The following BPIFA2 variants were observed in gnomAD, a reference collection of about 807,000 sequenced individuals.
The protein encoded by BPIFA2 is BPI fold-containing family A member 2.
Under a neutral mutation model 25.7 loss-of-function variants are expected in BPIFA2, and 20 were observed. The ratio of observed to expected loss-of-function variants is 0.78; its 90% CI spans 0.55 to 1.13. The LOEUF is 1.13. BPIFA2 is among the 50% of genes most tolerant of loss of function. The pLI, the probability that BPIFA2 is intolerant of heterozygous loss-of-function variation, is 0.00. For synonymous variants in BPIFA2, 126 were observed against 124.3 expected (o/e 1.01, Z -0.09); for missense variants, 300 against 298.1 (o/e 1.01, Z -0.05).
At chr20:33,177,849 C>T (rs1039435688) in intron 5 of BPIFA2, among the ~76,000 whole-genome samples, 1 of 152,164 alleles carries the variant, frequency 6.6e-6, no homozygotes, top group African/African-American at 2.4e-5. Flanking sequence ...ATTCGGTATC[C>T]TCAGGGCCCA....
At chr20:33,164,707 T>G (rs994034692), upstream of BPIFA2, among the ~76,000 whole-genome samples, 1 of 151,824 alleles carries the variant, frequency 6.6e-6, no homozygotes, top group African/African-American at 2.4e-5. Flanking sequence ...TTTCCTTTCT[T>G]TCCTGCCACA....
At chr20:33,175,642 G>C (rs530941242) in intron 5 of BPIFA2, 83 bp downstream of exon 5, 18 of 1,446,460 alleles carry the variant, frequency 1.2e-5, no homozygotes, top group Middle Eastern at 1.9e-4. Context: ...CTACCTAAGA[G>C]GAGGCCTAGT....
chr20:33,172,166 T>C (rs1983916715), intron 2 of BPIFA2, among the ~76,000 whole-genome samples: 1 of 151,936 alleles, frequency 6.6e-6, no homozygotes, highest in Non-Finnish European at 1.5e-5. Flanking sequence ...CATGTTCTCA[T>C]TCATGAATGG....
chr20:33,178,201 C>A lies in BPIFA2; in HGVS notation c.618C>A (p.Ser206Arg). Residue 206 changes from serine to arginine, a missense_variant, in exon 6 of 9, where the codon AGC (serine) becomes AGA (arginine). By Grantham distance (110) the Ser-to-Arg change is moderately radical. Coordinates refer to ENST00000354932, the MANE Select transcript of BPIFA2 (RefSeq NM_080574.4). ...FVNSVINTLK[S>R]TVSSLLQKEI... The stretch of plus-strand genomic sequence containing the variant: ...ATAGCGTGATCAACACGCTGAAAAG[C>A]ACTGTATCCTCCCTGCTGCAGAAGG... 1 of 1,604,392 alleles carries A rather than the reference C, an allele frequency of 6.2e-7. No individual in the cohort carries two copies. Among genetic ancestry groups the A allele is most frequent in the Non-Finnish European group, 8.5e-7 (1 of 1,172,768 alleles).
chr20:33,177,864 G>T (rs1384122083), intron 5 of BPIFA2, among the ~76,000 whole-genome samples: 1 of 152,212 alleles, frequency 6.6e-6, no homozygotes. Flanking sequence ...GGCCCAGCTA[G>T]GTTCCTGGTG....
intron 2 of BPIFA2, among the ~76,000 whole-genome samples, chr20:33,170,695 C>T (rs1414160093): frequency 1.3e-5 from 2 of 152,178 alleles, no homozygotes; most frequent in African/African-American, 2.4e-5. Context: ...CACCCAGTCA[C>T]GACATTTATT....
upstream of BPIFA2, among the ~76,000 whole-genome samples, chr20:33,166,833 C>A (rs980296467): frequency 1.3e-5 from 2 of 152,250 alleles, no homozygotes; most frequent in African/African-American, 2.4e-5. Context: ...TCATGCTCAG[C>A]ACCCTGGGCT....
chr20:33,178,898 T>C (rs1239110499), intron 6 of BPIFA2, among the ~76,000 whole-genome samples: 1 of 152,192 alleles, frequency 6.6e-6, no homozygotes, highest in East Asian at 1.9e-4. Flanking sequence ...AATTGCAATC[T>C]GCGGGGAACT....
At chr20:33,173,264 C>T (rs914943032) in intron 3 of BPIFA2, among the ~76,000 whole-genome samples, 188 bp downstream of exon 3, 1 of 152,128 alleles carries the variant, frequency 6.6e-6, no homozygotes, top group Non-Finnish European at 1.5e-5. Flanking sequence ...AGAGTCAATC[C>T]GGGCATCTTA....
chr20:33,166,302 C>T (rs1983721944), upstream of BPIFA2, among the ~76,000 whole-genome samples: 1 of 152,202 alleles, frequency 6.6e-6, no homozygotes, highest in Non-Finnish European at 1.5e-5. Flanking sequence ...CAGGTGTGAA[C>T]CACCATGCCT....
intron 2 of BPIFA2, among the ~76,000 whole-genome samples, chr20:33,171,970 A>G (rs182104923): frequency 2.6e-4 from 40 of 152,322 alleles, no homozygotes; most frequent in Non-Finnish European, 5.0e-4. Context: ...TTACAATAGC[A>G]AAGACATGGA....
chr20:33,180,524 T>C lies in BPIFA2; in HGVS notation c.714T>C (p.Asn238=). The C allele has an allele frequency of 6.2e-7, 1 of 1,613,160 alleles. No homozygotes were observed. Among genetic ancestry groups the C allele is most frequent in the African/African-American group, 1.3e-5 (1 of 74,992 alleles). ...DVNVIQQVVD[N]PQHKTQLQTL... is the part of the protein sequence containing the mutation. ...CTATTGATTTTGTTTCTTCAGATAA[T>C]CCTCAGCACAAAACCCAGCTGCAAA... Residue 238 remains asparagine (N), a synonymous_variant, in exon 8 of 9, where the codon AAT becomes AAC. Coordinates refer to ENST00000354932, the MANE Select transcript of BPIFA2 (RefSeq NM_080574.4).
At chr20:33,177,506 CA>C (rs1442091137) in intron 5 of BPIFA2, among the ~76,000 whole-genome samples, 1 of 152,208 alleles carries the variant, frequency 6.6e-6, no homozygotes, top group Non-Finnish European at 1.5e-5. Context: ...TCTGTGTCCA[CA>C]TCTGTGAAAT....
intron 3 of BPIFA2, 146 bp from the exon 4 acceptor site, chr20:33,173,933 A>C (rs943658891): frequency 2.4e-5 from 15 of 624,714 alleles, no homozygotes; most frequent in Non-Finnish European, 4.3e-5. Context: ...AATACAGAGA[A>C]TCAAACCTCT....
intron 2 of BPIFA2, among the ~76,000 whole-genome samples, chr20:33,170,211 G>A (rs1432853364): frequency 1.3e-5 from 2 of 152,136 alleles, no homozygotes; most frequent in African/African-American, 2.4e-5. Flanking sequence ...TATTTAAAGT[G>A]TCATTCTCTG....
intron 1 of BPIFA2, among the ~76,000 whole-genome samples, chr20:33,162,615 T>A (rs1983613475): frequency 6.6e-6 from 1 of 152,196 alleles, no homozygotes; most frequent in Admixed American, 6.5e-5. Context: ...AGATCAGCTA[T>A]GTCAGGCAGA....
rs1984040274 is a variant in BPIFA2 at position 33,175,415 on chromosome 20, T to C, written c.419T>C (p.Ile140Thr). 3 of 1,613,808 alleles carry C rather than the reference T, an allele frequency of 1.9e-6. No individual in the cohort carries two copies. The highest frequency in any genetic ancestry group is 2.2e-5 in the South Asian group (2 of 91,034). The change falls in exon 5 of 9, where the codon ATT becomes ACT. Residue 140 changes from isoleucine (I) to threonine (T), a missense_variant. Coordinates refer to ENST00000354932, the MANE Select transcript of BPIFA2 (RefSeq NM_080574.4). ...CATCTTACTTCCTGCAGGCCCATCA[T>C]TGGCCAGATTATCAACCTGAAAGCC... is the stretch of plus-strand genomic sequence containing the variant. The part of the protein sequence containing the change: ...TANVTVAGPI[I>T]GQIINLKASL...
intron 6 of BPIFA2, among the ~76,000 whole-genome samples, chr20:33,178,683 G>C (rs1217570271): frequency 1.3e-5 from 2 of 152,038 alleles, no homozygotes; most frequent in Non-Finnish European, 2.9e-5. Context: ...AGGATTACTA[G>C]GCCCAAAGTT....
In BPIFA2 at chr20:33,172,934, A is replaced by C. The variant is rs1484267154; in HGVS notation, c.160A>C (p.Ile54Leu). The C allele has an allele frequency of 6.2e-7, 1 of 1,611,978 alleles. No homozygotes were observed. Among genetic ancestry groups the C allele is most frequent in the East Asian group, 2.2e-5 (1 of 44,836 alleles). The change falls in exon 3 of 9, where the codon ATC (isoleucine) becomes CTC (leucine). Residue 54 changes from isoleucine to leucine, a missense_variant and splice_region_variant. Physicochemically the swap from Ile to Leu is conservative, Grantham distance 5. Transcript: ENST00000354932. ...LETVDNTLKG[I>L]LEKLKVDLGV... is the part of the protein sequence containing the mutation. ...AAAATGGCGATTGTTTTTGGCAGGC[A>C]TCCTTGAGAAACTGAAGGTCGACCT...
Sources: gnomAD v4.1 joint callset for allele counts (sites outside exome capture counted in the v4.1 genomes callset) on GRCh38, gnomAD v4.1.1 for gene constraint, MANE v1.5 for transcripts, NCBI Gene and HGNC (gene_info 2026-07-23, HGNC 2026-07-21) for gene names.